The following ATP11C variants were observed in gnomAD, a reference collection of about 807,000 sequenced individuals.
The protein encoded by ATP11C is phospholipid-transporting ATPase IG.
A neutral mutation model predicts 97.4 loss-of-function variants in ATP11C; 36 were observed. That is an observed-to-expected ratio of 0.37 (90% CI 0.28 to 0.49). The LOEUF is 0.49. Among genes scored for constraint, ATP11C ranks in the 20% least tolerant of loss-of-function variants. The pLI is 0.98. For missense variants in ATP11C, 730 were observed against 824.6 expected, an observed-to-expected ratio of 0.89 and a Z score of 1.40; for synonymous variants, 275 against 290.9, an observed-to-expected ratio of 0.95 and a Z score of 0.56.
Position 139,731,652 on chromosome X carries a change from T to C in ATP11C, c.*2A>G. 3 of 1,157,126 alleles carry C rather than the reference T, an allele frequency of 2.6e-6. No individual in the cohort carries two copies. Among genetic ancestry groups the C allele is most frequent in the South Asian group, 3.9e-5 (2 of 50,872 alleles). On this transcript the variant is annotated splice_region_variant and 3_prime_UTR_variant, in exon 29 of 30. Transcript: ENST00000682941. ...GCCCATTTGTTTAACACTAGGTACC[T>C]GTTACAATACATTAGATTCGTCTGA...
At chrX:139,919,444 A>AACACACACACACACACACACAC (rs370999462) in intron 1 of ATP11C, among the ~76,000 whole-genome samples, 1 of 73,950 alleles carries the variant, frequency 1.4e-5, no homozygotes, top group Non-Finnish European at 2.6e-5. Flanking sequence ...CTCAAACTTA[A>AACACACACACACACACACACAC]ACACACACAC....
Position 139,742,877 on chromosome X carries a change from ATATATATATATATATAT to A in ATP11C, c.3030+665_3030+681del, listed in dbSNP as rs770992779. ...TTATTTTTAAATTAAAAAAAAAAAA[ATATATATATATATATAT>A]ATATATATATATATATATAAAAATA... is the stretch of plus-strand genomic sequence containing the variant. On this transcript the variant is annotated intron_variant, in intron 26 of 29. Transcript: ENST00000682941. 7.5e-3 allele frequency among the ~76,000 whole-genome samples: 513 copies of A among 68,344 alleles called. 8 individuals are homozygous for A. The highest frequency in any genetic ancestry group is 0.026 in the African/African-American group (415 of 15,815). 59.3% of individuals were successfully genotyped at this position (68,344 alleles called of 115,157 possible). A position where few individuals can be genotyped will look rare whatever the true frequency, so the allele number is the denominator to read the frequency against.
At chrX:139,927,612 AT>A (rs1338867295) in intron 1 of ATP11C, among the ~76,000 whole-genome samples, 3 of 110,868 alleles carry the variant, frequency 2.7e-5, no homozygotes, top group Non-Finnish European at 5.7e-5. Flanking sequence ...CTCAAAAAAA[AT>A]AACAATAAAA....
intron 1 of ATP11C, among the ~76,000 whole-genome samples, chrX:139,891,331 A>T (rs748564153): frequency 9.0e-6 from 1 of 111,302 alleles, no homozygotes; most frequent in Non-Finnish European, 1.9e-5. Flanking sequence ...AATAATCTGT[A>T]CAGCAAGCCC....
At chrX:139,886,982 C>A (rs899603640) in intron 1 of ATP11C, among the ~76,000 whole-genome samples, 4 of 110,865 alleles carry the variant, frequency 3.6e-5, no homozygotes, top group Non-Finnish European at 7.5e-5. Flanking sequence ...TTCTAGACAG[C>A]GTAGGCAAAA....
intron 1 of ATP11C, among the ~76,000 whole-genome samples, chrX:139,850,571 G>A (rs1019542086): frequency 9.0e-6 from 1 of 111,460 alleles, no homozygotes; most frequent in Non-Finnish European, 1.9e-5. Flanking sequence ...TATACAGTAG[G>A]AGTTGAGAAG....
Position 139,875,669 on chromosome X carries a change from T to G in ATP11C, c.28-48846A>C, listed in dbSNP as rs2084460819. ...GAGAGCATTCAGGCCCCTGAATAAG[T>G]GTACATTTTTATATTCAAGTGGTTG... is the stretch of plus-strand genomic sequence containing the variant. On this transcript the variant is annotated intron_variant, in intron 1 of 29. Transcript: ENST00000682941. Among the ~76,000 whole-genome samples the G allele has an allele frequency of 3.6e-5, 4 of 111,622 alleles. No individual in the cohort carries two copies. In the South Asian group the frequency reaches 1.5e-3, roughly 42 times the overall value.
At position 139,745,705 on chromosome X, in the gene ATP11C, T is replaced by C. The variant is rs752065947; in HGVS notation, c.2964+17A>G. The C allele has an allele frequency of 3.3e-6, 4 of 1,195,532 alleles. No individual in the cohort carries two copies. Among genetic ancestry groups the C allele is most frequent in the Non-Finnish European group, 4.5e-6 (4 of 889,239 alleles). ...ATGCTTATAATACCAAAAGATGTAATGACAGGTTCTTTTTACCTTTCCATT... is the reference window on the plus strand; with the variant it reads ...ATGCTTATAATACCAAAAGATGTAACGACAGGTTCTTTTTACCTTTCCATT... On this transcript the variant is annotated intron_variant, in intron 25 of 29. Coordinates refer to ENST00000682941, the MANE Select transcript of ATP11C (RefSeq NM_001353812.2).
chrX:139,881,440 T>A (rs1168275651), intron 1 of ATP11C, among the ~76,000 whole-genome samples: 1 of 110,631 alleles, frequency 9.0e-6, no homozygotes, highest in Non-Finnish European at 1.9e-5. Context: ...CATGTTTATC[T>A]CCTACCACTG....
chrX:139,851,681 G>A (rs1231089877), intron 1 of ATP11C, among the ~76,000 whole-genome samples: 2 of 111,887 alleles, frequency 1.8e-5, no homozygotes, highest in Admixed American at 9.4e-5. Context: ...AAAGCCATAG[G>A]AGCAAGGCTG....
chrX:139,906,799 AAAC>A (rs377680099), intron 1 of ATP11C, among the ~76,000 whole-genome samples: 82 of 109,505 alleles, frequency 7.5e-4, no homozygotes, highest in African/African-American at 2.2e-3. Flanking sequence ...AAAACAAAAC[AAAC>A]AACAACAACA....
intron 28 of ATP11C, chrX:139,732,539 G>A: frequency 3.1e-6 from 1 of 324,812 alleles, no homozygotes; most frequent in Non-Finnish European, 6.0e-6. Context: ...GTTCACAATT[G>A]CACAAAAGGT....
intron 16 of ATP11C, among the ~76,000 whole-genome samples, chrX:139,783,490 T>C (rs2082507217): frequency 9.0e-6 from 1 of 111,293 alleles, no homozygotes; most frequent in African/African-American, 3.3e-5. Context: ...TAAGCCAGAG[T>C]TTACAATAGG....
At chrX:139,767,424 G>A (rs2082160679) in intron 20 of ATP11C, among the ~76,000 whole-genome samples, 1 of 111,387 alleles carries the variant, frequency 9.0e-6, no homozygotes, top group Non-Finnish European at 1.9e-5. Context: ...ATCAAAGGTA[G>A]TTTTGAGACA....
rs763422613 is a variant in ATP11C, at chrX:139,757,811, T to C, written c.2697A>G (p.Gln899=). 2 of 1,183,175 alleles carry C rather than the reference T, an allele frequency of 1.7e-6. No individual in the cohort carries two copies. The highest frequency in any genetic ancestry group is 3.0e-5 in the East Asian group (1 of 33,529). The part of the protein sequence containing the change: ...FLYQFFCGFS[Q]QPLYDAAYLT... ...ACGAATAACTTGAGAAACAAACCTG[T>C]TGTGAGAATCCACAGAAGAACTGGT... Residue 899 remains glutamine (Q), a synonymous_variant, in exon 23 of 30, where the codon CAA becomes CAG. Coordinates refer to ENST00000682941, the MANE Select transcript of ATP11C (RefSeq NM_001353812.2).
chrX:139,829,109 G>A (rs1249663498), intron 1 of ATP11C, among the ~76,000 whole-genome samples: 1 of 111,582 alleles, frequency 9.0e-6, no homozygotes, highest in Non-Finnish European at 1.9e-5. Flanking sequence ...GCACATCCCG[G>A]CAGTGATTGC....
chrX:139,878,270 A>G (rs2084508610), intron 1 of ATP11C, among the ~76,000 whole-genome samples: 1 of 111,841 alleles, frequency 8.9e-6, no homozygotes, highest in South Asian at 3.7e-4. Context: ...TGTACTCAAT[A>G]ATTATTGTTA....
At chrX:139,839,550 G>A (rs2083797155) in intron 1 of ATP11C, among the ~76,000 whole-genome samples, 1 of 110,984 alleles carries the variant, frequency 9.0e-6, no homozygotes, top group South Asian at 3.9e-4. Context: ...TGCCTTCAAG[G>A]AGCTTAGAGT....
intron 1 of ATP11C, among the ~76,000 whole-genome samples, chrX:139,827,150 C>T (rs1265636047): frequency 8.9e-6 from 1 of 111,948 alleles, no homozygotes; most frequent in Admixed American, 9.5e-5. Flanking sequence ...TAACCATAAC[C>T]TTCACTAGCA....
Sources: allele counts gnomAD v4.1 joint callset (sites outside exome capture counted in the v4.1 genomes callset), GRCh38; gene constraint gnomAD v4.1.1; transcripts MANE v1.5; gene names NCBI Gene and HGNC (gene_info 2026-07-23, HGNC 2026-07-21).